CDH26: variants seen among roughly 807,000 people sequenced by gnomAD.
CDH26 encodes the protein cadherin-like protein 26.
In CDH26, 83 loss-of-function variants were observed where a neutral mutation model predicts 90.3. That is an observed-to-expected ratio of 0.92 (90% confidence interval 0.77 to 1.10). The LOEUF is 1.10. Among genes scored for constraint, CDH26 ranks in the 50% least tolerant of loss-of-function variants. The pLI, the probability that CDH26 is intolerant of heterozygous loss-of-function variation, is 0.00. For synonymous variants in CDH26, 397 were observed against 396.3 expected, an observed-to-expected ratio of 1.00 and a Z score of -0.02; for missense variants, 1,013 against 1,037.6, an observed-to-expected ratio of 0.98 and a Z score of 0.33.
chr20:59,988,996 G>A lies in CDH26; in HGVS notation c.1116G>A (p.Gln372=). ...RLVFCERGKL[Q]PPRKAAASAT... The stretch of plus-strand genomic sequence containing the variant: ...TCTTCTGTGAGAGAGGAAAGCTTCA[G>A]CCGCCAAGGAAGGCAGCAGCCAGCG... The change falls in exon 9 of 18, where the codon CAG becomes CAA. Residue 372 remains glutamine, a synonymous_variant. Coordinates refer to ENST00000348616, the MANE Select transcript of CDH26 (RefSeq NM_177980.4). 3.1e-6 allele frequency: 5 copies of A among 1,614,200 alleles called. No individual in the cohort carries two copies. Among genetic ancestry groups the A allele is most frequent in the Non-Finnish European group, 4.2e-6 (5 of 1,180,048 alleles).
At chr20:60,021,458 G>A (rs1316950379) in intron 7 of CDH26, among the ~76,000 whole-genome samples, 1 of 152,118 alleles carries the variant, frequency 6.6e-6, no homozygotes, top group Non-Finnish European at 1.5e-5. Flanking sequence ...AAGTGTGCTT[G>A]ACTCCTTCTC....
At chr20:59,977,866 A>G (rs938717352) in intron 4 of CDH26, among the ~76,000 whole-genome samples, 4 of 152,212 alleles carry the variant, frequency 2.6e-5, no homozygotes, top group African/African-American at 7.2e-5. Context: ...CCACCATGAC[A>G]GTGTCGTATA....
At chr20:60,019,948 A>G (rs2061939048) in intron 7 of CDH26, among the ~76,000 whole-genome samples, 1 of 152,174 alleles carries the variant, frequency 6.6e-6, no homozygotes. Context: ...TGTAGTCTCT[A>G]TGTAGTGTCT....
rs2062035485 is a variant in CDH26 at position 60,030,959 on chromosome 20, G to A, written c.948-272G>A. 6.6e-6 allele frequency among the ~76,000 whole-genome samples: 1 copy of A among 152,186 alleles called. No individual in the cohort carries two copies. Among genetic ancestry groups the A allele is most frequent in the Admixed American group, 6.5e-5 (1 of 15,276 alleles). On this transcript the variant is annotated intron_variant, in intron 7 of 8. Coordinates refer to the CDH26 transcript ENST00000370991. The surrounding 1 kb of genome is among the most constrained non-coding windows in gnomAD (Gnocchi z 4.0). ...AAAGTGAAAGCAAGTTTATTAAGAA[G>A]GTAAAGGAATAAAAGAATGGCTACT...
intron 7 of CDH26, among the ~76,000 whole-genome samples, chr20:60,029,718 G>A (rs1041889428): frequency 1.3e-5 from 2 of 151,854 alleles, no homozygotes; most frequent in African/African-American, 4.8e-5. Flanking sequence ...TCCCAGTTAT[G>A]AGTGAGAACA....
At position 59,999,573 on chromosome 20, in the gene CDH26, C is replaced by A; in HGVS notation, c.2020-13C>A. 6.2e-7 allele frequency: 1 copy of A among 1,609,914 alleles called. No individual in the cohort carries two copies. Among genetic ancestry groups the A allele is most frequent in the Non-Finnish European group, 8.5e-7 (1 of 1,177,138 alleles). ...TTCAGCCCTTGTCATATTTCTTTCTCTGTGTTCTACAGACATGGTCAGATG... is the reference window on the plus strand; with the variant it reads ...TTCAGCCCTTGTCATATTTCTTTCTATGTGTTCTACAGACATGGTCAGATG... On this transcript the variant is annotated splice_polypyrimidine_tract_variant and intron_variant, in intron 13 of 17. Coordinates refer to ENST00000348616, the MANE Select transcript of CDH26 (RefSeq NM_177980.4).
At chr20:59,984,607 T>A (rs770515588) in intron 5 of CDH26, 32 bp from the exon 6 acceptor site, 1 of 1,586,104 alleles carries the variant, frequency 6.3e-7, no homozygotes, top group Non-Finnish European at 8.6e-7. Flanking sequence ...TACCTTTATC[T>A]GATAGTAACA....
intron 1 of CDH26, among the ~76,000 whole-genome samples, chr20:59,960,142 C>T (rs1449471691): frequency 6.6e-6 from 1 of 152,166 alleles, no homozygotes; most frequent in Admixed American, 6.5e-5. Context: ...TTGAACTTAC[C>T]TAGGGAGCTT....
At position 59,988,936 on chromosome 20, in the gene CDH26, C is replaced by T; in HGVS notation, c.1056C>T (p.Ser352=). 1.2e-6 allele frequency: 2 copies of T among 1,614,132 alleles called. No individual in the cohort carries two copies. The highest frequency in any genetic ancestry group is 1.3e-5 in the African/African-American group (1 of 75,020). The change falls in exon 9 of 18, where the codon AGC becomes AGT. Residue 352 remains serine, a synonymous_variant. Coordinates refer to ENST00000348616, the MANE Select transcript of CDH26 (RefSeq NM_177980.4). The stretch of plus-strand genomic sequence containing the variant: ...ATTATGAGACTCGCCCAGCGCAAAG[C>T]CTCATCATTGTCGTGGAGAATGAGG... ...PLDYETRPAQ[S]LIIVVENEER... is the part of the protein sequence containing the mutation.
intron 16 of CDH26, among the ~76,000 whole-genome samples, 175 bp from the exon 17 acceptor site, chr20:60,006,538 C>T (rs1366747718): frequency 6.6e-6 from 1 of 152,158 alleles, no homozygotes; most frequent in African/African-American, 2.4e-5. Context: ...GGGCCTCCCT[C>T]TCTCCCCCAA....
intron 7 of CDH26, among the ~76,000 whole-genome samples, chr20:60,022,580 A>G (rs538123646): frequency 6.6e-6 from 1 of 152,336 alleles, no homozygotes; most frequent in South Asian, 2.1e-4. Flanking sequence ...TGAAGTAGGC[A>G]TAGCAACGGT....
intron 5 of CDH26, among the ~76,000 whole-genome samples, 153 bp from the exon 6 acceptor site, chr20:59,984,486 A>G (rs2061428764): frequency 6.6e-6 from 1 of 152,228 alleles, no homozygotes; most frequent in Admixed American, 6.5e-5. Flanking sequence ...ATTCATCCTT[A>G]TCTTTTCTAG....
exon 8 of CDH26, chr20:60,031,407 T>C (rs1396469034): frequency 8.3e-7 from 1 of 1,200,914 alleles, no homozygotes; most frequent in Non-Finnish European, 1.1e-6. Flanking sequence ...TCAAGAAAGT[T>C]GTTTATGACC....
At chr20:59,974,332 C>T (rs2061301191) in intron 4 of CDH26, among the ~76,000 whole-genome samples, 2 of 152,248 alleles carry the variant, frequency 1.3e-5, no homozygotes, top group South Asian at 4.1e-4. Context: ...AACAGACAAC[C>T]TGCAGAATGG....
chr20:60,033,411 G>C, intron 8 of CDH26: 1 of 1,258,172 alleles, frequency 7.9e-7, no homozygotes, highest in African/African-American at 1.5e-5. Flanking sequence ...CAAATGCTTA[G>C]TGAATGCTAA....
chr20:59,975,912 G>A (rs1324168904), intron 4 of CDH26, among the ~76,000 whole-genome samples: 2 of 152,132 alleles, frequency 1.3e-5, no homozygotes, highest in African/African-American at 2.4e-5. Flanking sequence ...GTACAAGAAA[G>A]CAGTAGCCCT....
intron 16 of CDH26, among the ~76,000 whole-genome samples, chr20:60,004,630 G>T (rs1430492367): frequency 6.6e-6 from 1 of 151,866 alleles, no homozygotes; most frequent in Non-Finnish European, 1.5e-5. Context: ...ACTGGACGTG[G>T]TGGCGGGCGC....
intron 8 of CDH26, among the ~76,000 whole-genome samples, chr20:60,032,886 G>A (rs195029): frequency 0.13 from 19,030 of 148,510 alleles, 1,423 homozygotes; most frequent in African/African-American, 0.19. Context: ...ATTGGGAGAT[G>A]TACCTAATGC....
At chr20:59,982,199 A>G (rs1601129070) in intron 4 of CDH26, among the ~76,000 whole-genome samples, 1 of 152,048 alleles carries the variant, frequency 6.6e-6, no homozygotes, top group South Asian at 2.1e-4. Flanking sequence ...TTTATTGATC[A>G]TTTCAAAGAA....
Sources: gnomAD v4.1 joint callset for allele counts (sites outside exome capture counted in the v4.1 genomes callset) on GRCh38, gnomAD v4.1.1 for gene constraint, Gnocchi (gnomAD v3.1) non-coding constraint, MANE v1.5 for transcripts, NCBI Gene and HGNC (gene_info 2026-07-23, HGNC 2026-07-21) for gene names.